AIM2: variants seen among roughly 807,000 people sequenced by gnomAD.
The protein encoded by AIM2 is absent in melanoma 2.
A neutral mutation model predicts 27.7 loss-of-function variants in AIM2; 30 were observed. That is an observed-to-expected ratio of 1.08 (90% CI 0.81 to 1.47). The LOEUF is 1.47. Among genes scored for constraint, AIM2 ranks in the 40% most tolerant of loss-of-function variants. AIM2 has a pLI of 0.00. For missense variants in AIM2, 358 were observed against 411.3 expected, an observed-to-expected ratio of 0.87 and a Z score of 1.12; for synonymous variants, 141 against 145.3, an observed-to-expected ratio of 0.97 and a Z score of 0.21.
chr1:159,060,506 T>G (rs1273668646), downstream of AIM2, among the ~76,000 whole-genome samples: 1 of 152,222 alleles, frequency 6.6e-6, no homozygotes, highest in Non-Finnish European at 1.5e-5. Flanking sequence ...AAAGTTAAGA[T>G]AGAGAATAGT....
chr1:159,066,446 G>A, intron 3 of AIM2, 117 bp from the exon 4 acceptor site: 2 of 1,058,564 alleles, frequency 1.9e-6, no homozygotes, highest in Non-Finnish European at 2.7e-6. Flanking sequence ...TGGAATCAAG[G>A]GAAGAGATAC....
At chr1:159,096,730 A>T (rs1557903132) in intron 1 of AIM2, among the ~76,000 whole-genome samples, 1 of 152,134 alleles carries the variant, frequency 6.6e-6, no homozygotes, top group African/African-American at 2.4e-5. Flanking sequence ...ACCAACCAGA[A>T]GAAGAATGCC....
intron 1 of AIM2, among the ~76,000 whole-genome samples, chr1:159,099,436 G>C (rs562488956): frequency 6.6e-6 from 1 of 152,190 alleles, no homozygotes; most frequent in Admixed American, 6.5e-5. Flanking sequence ...GTGAGATTCT[G>C]ACTTGCCCCT....
intron 1 of AIM2, among the ~76,000 whole-genome samples, chr1:159,110,248 C>T (rs989051100): frequency 6.6e-6 from 1 of 152,176 alleles, no homozygotes; most frequent in Non-Finnish European, 1.5e-5. Flanking sequence ...GAATTAATGG[C>T]ATTCACAGCA....
At chr1:159,069,339 A>G (rs140433779) in intron 2 of AIM2, among the ~76,000 whole-genome samples, 85 of 152,278 alleles carry the variant, frequency 5.6e-4, no homozygotes, top group African/African-American at 1.9e-3. Flanking sequence ...AGATAAGTAT[A>G]TAAGGCTTAT....
intron 1 of AIM2, among the ~76,000 whole-genome samples, chr1:159,095,951 G>T (rs1262827589): frequency 1.3e-5 from 2 of 152,100 alleles, no homozygotes; most frequent in African/African-American, 4.8e-5. Context: ...TTAGACTAGG[G>T]TCTCATATAT....
intron 1 of AIM2, among the ~76,000 whole-genome samples, chr1:159,087,544 C>G (rs188677197): frequency 1.1e-3 from 161 of 151,374 alleles, no homozygotes; most frequent in African/African-American, 3.7e-3. Context: ...AAAAGCAATG[C>G]CAGGCTTTTT....
rs183223825 is a variant in AIM2 at position 159,081,946 on chromosome 1, T to C, written c.-15-15617A>G. The stretch of plus-strand genomic sequence containing the variant: ...TCAGCTCTAATTTTTTAAAACTGTA[T>C]TTTCTTATGCTTACTTTGCAGTTAA... On this transcript the variant is annotated intron_variant, in intron 1 of 2. Coordinates refer to the AIM2 transcript ENST00000368129. Among the ~76,000 whole-genome samples the C allele has an allele frequency of 8.6e-4, 131 of 152,370 alleles. 1 individual carries two copies. The highest frequency in any genetic ancestry group is 6.8e-3 in the Middle Eastern group (2 of 294).
At chr1:159,102,292 T>C (rs1175996860) in intron 1 of AIM2, among the ~76,000 whole-genome samples, 1 of 152,194 alleles carries the variant, frequency 6.6e-6, no homozygotes, top group Non-Finnish European at 1.5e-5. Context: ...AACCTCTGCC[T>C]AGATTTCAGA....
intron 1 of AIM2, among the ~76,000 whole-genome samples, chr1:159,121,570 C>T (rs910962642): frequency 6.6e-6 from 1 of 152,058 alleles, no homozygotes; most frequent in African/African-American, 2.4e-5. Flanking sequence ...GTTTTCTCTC[C>T]TATCCAAGTA....
intron 1 of AIM2, among the ~76,000 whole-genome samples, chr1:159,106,318 C>T (rs558352995): frequency 1.3e-5 from 2 of 152,354 alleles, no homozygotes; most frequent in East Asian, 3.9e-4. Flanking sequence ...GCCACGCCTC[C>T]CCTGCTACAG....
At chr1:159,089,169 T>C (rs1257430687) in intron 1 of AIM2, among the ~76,000 whole-genome samples, 1 of 152,222 alleles carries the variant, frequency 6.6e-6, no homozygotes, top group Non-Finnish European at 1.5e-5. Context: ...AGCTGTGAGC[T>C]TCTGACCTAG....
chr1:159,099,818 T>G (rs1657273732), intron 1 of AIM2, among the ~76,000 whole-genome samples: 1 of 147,342 alleles, frequency 6.8e-6, no homozygotes, highest in Admixed American at 7.1e-5. Context: ...GAGACTCACT[T>G]AAAGAGCAGC....
intron 1 of AIM2, among the ~76,000 whole-genome samples, chr1:159,082,985 T>A (rs868473346): frequency 1.3e-5 from 2 of 152,250 alleles, no homozygotes; most frequent in Middle Eastern, 6.8e-3. Context: ...TGCAGAGAAA[T>A]TACCTGAATT....
intron 2 of AIM2, among the ~76,000 whole-genome samples, chr1:159,072,357 G>A (rs916266400): frequency 2.6e-5 from 4 of 152,202 alleles, no homozygotes; most frequent in Non-Finnish European, 5.9e-5. Flanking sequence ...GAGAAGCCAT[G>A]TCACCCTTGT....
At position 159,066,695 on chromosome 1, in the gene AIM2, T is replaced by C. The variant is rs75212914; in HGVS notation, c.397-366A>G. On this transcript the variant is annotated intron_variant, in intron 3 of 5. Coordinates refer to ENST00000368130, the MANE Select transcript of AIM2 (RefSeq NM_004833.3). The stretch of plus-strand genomic sequence containing the variant: ...CTGATTCCATCTTCTATCAATTCCA[T>C]TCGGGCATGTGTCCTTGTTTCTCTA... Among the ~76,000 whole-genome samples, 1,018 of 152,334 alleles carry C rather than the reference T, an allele frequency of 6.7e-3. 12 individuals are homozygous for C. Among genetic ancestry groups the C allele is most frequent in the African/African-American group, 0.023 (966 of 41,570 alleles).
In AIM2 at chr1:159,115,916, T is replaced by C. The variant is rs1214587202; in HGVS notation, c.-16+24515A>G. Among the ~76,000 whole-genome samples, 3 of 151,676 alleles carry C rather than the reference T, an allele frequency of 2.0e-5. No individual in the cohort carries two copies. In the South Asian group the frequency reaches 6.2e-4, roughly 31 times the overall value. ...AGGCAACCTACAGAATGGGAGAAAA[T>C]TTTTGCAATCTACTCATCTGACAAA... On this transcript the variant is annotated intron_variant, in intron 1 of 2. Coordinates refer to the AIM2 transcript ENST00000368129.
intron 1 of AIM2, among the ~76,000 whole-genome samples, chr1:159,099,974 C>T (rs1198724426): frequency 6.6e-6 from 1 of 152,150 alleles, no homozygotes; most frequent in African/African-American, 2.4e-5. Context: ...TAGCTTCTAC[C>T]GTGAGAATCG....
intron 1 of AIM2, among the ~76,000 whole-genome samples, chr1:159,146,041 G>A (rs1488037093): frequency 6.6e-6 from 1 of 151,998 alleles, no homozygotes; most frequent in Non-Finnish European, 1.5e-5. Context: ...GGGAAGTAGA[G>A]GTTGCAGTGA....
Sources: allele counts gnomAD v4.1 joint callset (sites outside exome capture counted in the v4.1 genomes callset), GRCh38; gene constraint gnomAD v4.1.1; transcripts MANE v1.5; gene names NCBI Gene and HGNC (gene_info 2026-07-23, HGNC 2026-07-21).